MEOX2: variants seen among roughly 807,000 people sequenced by gnomAD.
MEOX2 encodes the protein homeobox protein MOX-2.
MEOX2 carries 11 observed loss-of-function variants against 27.0 expected under a neutral mutation model. The ratio of observed to expected loss-of-function variants is 0.41; its 90% confidence interval spans 0.26 to 0.68. The LOEUF is 0.68. Ranked by LOEUF, MEOX2 falls within the 30% of genes least tolerant of loss-of-function variation. MEOX2 has a pLI of 0.33. For missense variants in MEOX2, 436 were observed against 385.4 expected, an observed-to-expected ratio of 1.13 and a Z score of -1.10; for synonymous variants, 189 against 155.4, an observed-to-expected ratio of 1.22 and a Z score of -1.61.
chr7:15,666,472 G>A (rs1782005026), intron 1 of MEOX2, among the ~76,000 whole-genome samples: 1 of 151,874 alleles, frequency 6.6e-6, no homozygotes, highest in Non-Finnish European at 1.5e-5. Context: ...ATTCAAATGG[G>A]GCCGGCTGAG....
At chr7:15,624,562 A>G (rs1290804052) in intron 2 of MEOX2, among the ~76,000 whole-genome samples, 1 of 152,098 alleles carries the variant, frequency 6.6e-6, no homozygotes, top group African/African-American at 2.4e-5. Context: ...GAATGCTTCT[A>G]TCACCATTGG....
Position 15,626,881 on chromosome 7 carries a change from G to C in MEOX2, c.555C>G (p.Ser185Arg). The C allele has an allele frequency of 6.2e-7, 1 of 1,611,694 alleles. No individual in the cohort carries two copies. The highest frequency in any genetic ancestry group is 8.5e-7 in the Non-Finnish European group (1 of 1,179,174). Residue 185 changes from serine (S) to arginine (R), a missense_variant, in exon 2 of 3, where the codon AGC (serine) becomes AGG (arginine). Transcript: ENST00000262041. ...ATGCTGTCCTTTCTTTCCTGGGTTT[G>C]CTGTTGACTTCTGACTTGTAATTTC... ...QEGNYKSEVN[S>R]KPRKERTAFT... is the part of the protein sequence containing the mutation.
intron 1 of MEOX2, among the ~76,000 whole-genome samples, chr7:15,674,100 T>A (rs889121650): frequency 6.6e-6 from 1 of 152,170 alleles, no homozygotes; most frequent in Admixed American, 6.6e-5. Flanking sequence ...CCAGTACAAG[T>A]AATATCTAAT....
intron 1 of MEOX2, among the ~76,000 whole-genome samples, chr7:15,636,259 G>GA (rs907399362): frequency 2.0e-5 from 3 of 151,370 alleles, no homozygotes; most frequent in African/African-American, 4.9e-5. Flanking sequence ...GAGGGTTTGA[G>GA]AAAAAAAATC....
Position 15,627,808 on chromosome 7 carries a change from A to AACACACACACACACACACACACACAC in MEOX2, c.518-891_518-890insGTGTGTGTGTGTGTGTGTGTGTGTGT, listed in dbSNP as rs71549949. On this transcript the variant is annotated intron_variant, in intron 1 of 2. Transcript: ENST00000262041. ...AAAAGCAGAACGTGAATCAATAGTAAACACACACACACACACACGTCAAGT... is the reference window on the plus strand; with the variant it reads ...AAAAGCAGAACGTGAATCAATAGTAAACACACACACACACACACACACACACACACACACACACACACACGTCAAGT... 5.6e-3 allele frequency among the ~76,000 whole-genome samples: 825 copies of AACACACACACACACACACACACACAC among 147,382 alleles called. 10 individuals carry two copies. The highest frequency in any genetic ancestry group is 0.019 in the African/African-American group (739 of 39,474).
rs191718178 is a variant in MEOX2, at chr7:15,686,552, G to C, written c.-150C>G. 5.4e-5 allele frequency: 39 copies of C among 717,930 alleles called. 1 individual carries two copies. In the African/African-American group the frequency reaches 6.5e-4, roughly 12 times the overall value. The allele number at this position is 717,930 out of a possible 1,614,324, so 44.5% of individuals were successfully genotyped here. A position where few individuals can be genotyped will look rare whatever the true frequency, so the allele number is the denominator to read the frequency against. On this transcript the variant is annotated 5_prime_UTR_variant, in exon 1 of 3. Coordinates refer to ENST00000262041, the MANE Select transcript of MEOX2 (RefSeq NM_005924.5). ...ACTTCTGCAGAGCTCGGATAATCCC[G>C]GTCCTGAGCCCCAGCGGCCAGTCTC...
intron 2 of MEOX2, among the ~76,000 whole-genome samples, chr7:15,626,481 A>G (rs1444357185): frequency 6.6e-6 from 1 of 152,070 alleles, no homozygotes; most frequent in Non-Finnish European, 1.5e-5. Context: ...TGTAAAAGAA[A>G]TAATATTTTA....
intron 1 of MEOX2, among the ~76,000 whole-genome samples, chr7:15,669,338 AT>A (rs1782060993): frequency 6.6e-6 from 1 of 152,202 alleles, no homozygotes; most frequent in Admixed American, 6.5e-5. Flanking sequence ...TAATATGTAT[AT>A]TTGTTTTTTG....
Position 15,684,502 on chromosome 7 carries a change from G to T in MEOX2, c.517+1384C>A, listed in dbSNP as rs546660666. 1.8e-4 allele frequency among the ~76,000 whole-genome samples: 27 copies of T among 152,230 alleles called. No individual in the cohort carries two copies. In the South Asian group the frequency reaches 5.4e-3, roughly 30 times the overall value. On this transcript the variant is annotated intron_variant, in intron 1 of 2. Transcript: ENST00000262041. ...ATTAAAAGTTCACCCCCTGACCTTG[G>T]AAAATAAAAGTTAGCTTTTGAGACC... is the stretch of plus-strand genomic sequence containing the variant.
At chr7:15,617,050 C>T (rs1781135685) in intron 2 of MEOX2, among the ~76,000 whole-genome samples, 1 of 151,998 alleles carries the variant, frequency 6.6e-6, no homozygotes, top group South Asian at 2.1e-4. Flanking sequence ...CACACAATTT[C>T]CTAAGGTGTC....
intron 1 of MEOX2, among the ~76,000 whole-genome samples, chr7:15,627,808 A>AACACACACACAC (rs71549949): frequency 0.16 from 23,297 of 147,306 alleles, 2,149 homozygotes; most frequent in East Asian, 0.44. Flanking sequence ...ATCAATAGTA[A>AACACACACACAC]ACACACACAC....
intron 1 of MEOX2, among the ~76,000 whole-genome samples, chr7:15,678,167 T>C (rs1336292232): frequency 6.6e-6 from 1 of 152,162 alleles, no homozygotes; most frequent in Non-Finnish European, 1.5e-5. Flanking sequence ...CCAGATCTGT[T>C]TATACTTCAA....
At chr7:15,646,137 A>C (rs1476760342) in intron 1 of MEOX2, among the ~76,000 whole-genome samples, 1 of 152,104 alleles carries the variant, frequency 6.6e-6, no homozygotes, top group African/African-American at 2.4e-5. Flanking sequence ...CCTCTGTTCT[A>C]GTCCCTGTTT....
At chr7:15,680,291 T>A (rs562437765) in intron 1 of MEOX2, 7 of 152,080 alleles carry the variant, frequency 4.6e-5, no homozygotes, top group African/African-American at 1.7e-4. Context: ...TTTTGTATCA[T>A]AAAATACTAT....
intron 1 of MEOX2, chr7:15,679,546 T>C (rs927018587): frequency 6.6e-6 from 1 of 152,080 alleles, no homozygotes; most frequent in South Asian, 2.1e-4. Context: ...AGCTTTTGAA[T>C]TTAGAGCTAT....
chr7:15,617,303 T>C (rs1334922832), intron 2 of MEOX2, among the ~76,000 whole-genome samples: 1 of 152,100 alleles, frequency 6.6e-6, no homozygotes, highest in Admixed American at 6.6e-5. Context: ...CTAACAAATA[T>C]TTATTTATAT....
At chr7:15,623,905 C>T (rs1729097735) in intron 2 of MEOX2, among the ~76,000 whole-genome samples, 1 of 152,152 alleles carries the variant, frequency 6.6e-6, no homozygotes, top group Non-Finnish European at 1.5e-5. Context: ...ATTTTACTTC[C>T]AGCACTTAGC....
At chr7:15,678,741 T>C (rs1782243262) in intron 1 of MEOX2, among the ~76,000 whole-genome samples, 1 of 152,372 alleles carries the variant, frequency 6.6e-6, no homozygotes, top group Non-Finnish European at 1.5e-5. Context: ...GGCAAAAATT[T>C]AAGGCTATAT....
chr7:15,620,654 G>A (rs936404173), intron 2 of MEOX2, among the ~76,000 whole-genome samples: 1 of 152,094 alleles, frequency 6.6e-6, no homozygotes, highest in African/African-American at 2.4e-5. Flanking sequence ...CTCTTTAGTA[G>A]TCATCAAAAA....
Sources: allele counts gnomAD v4.1 joint callset (sites outside exome capture counted in the v4.1 genomes callset), GRCh38; gene constraint gnomAD v4.1.1; transcripts MANE v1.5; gene names NCBI Gene and HGNC (gene_info 2026-07-23, HGNC 2026-07-21).